The following ST3GAL1 variants were observed in gnomAD, a reference collection of about 807,000 sequenced individuals.
ST3GAL1 encodes the protein CMP-N-acetylneuraminate-beta-galactosamide-alpha-2,3-sialyltransferase 1.
Under a neutral mutation model 34.1 loss-of-function variants are expected in ST3GAL1, and 16 were observed. The observed-to-expected ratio is 0.47, with a 90% CI of 0.32 to 0.71. The LOEUF (loss-of-function observed/expected upper bound fraction) is 0.71. ST3GAL1 is among the 30% of genes least tolerant of loss of function. The pLI is 0.04. For missense variants in ST3GAL1, 353 were observed against 447.4 expected (o/e 0.79, Z 1.90); for synonymous variants, 191 against 184.7 (o/e 1.03, Z -0.28).
At chr8:133,542,803 A>G (rs566937662) in intron 2 of ST3GAL1, among the ~76,000 whole-genome samples, 184 of 143,634 alleles carry the variant, frequency 1.3e-3, no homozygotes, top group African/African-American at 4.7e-3. Context: ...AAAAAAAAAG[A>G]TGAACAGAGG....
At chr8:133,554,751 G>A (rs1398201607) in intron 1 of ST3GAL1, among the ~76,000 whole-genome samples, 3 of 140,810 alleles carry the variant, frequency 2.1e-5, no homozygotes, top group African/African-American at 2.7e-5. Context: ...TTTTTGAGTC[G>A]GAGTCTTGCT....
intron 5 of ST3GAL1, among the ~76,000 whole-genome samples, chr8:133,468,859 G>A (rs1043099883): frequency 6.6e-6 from 1 of 152,178 alleles, no homozygotes; most frequent in Non-Finnish European, 1.5e-5. Context: ...TACACTCTGA[G>A]AGCCCCAGGG....
At chr8:133,481,987 G>A (rs536443685) in intron 3 of ST3GAL1, among the ~76,000 whole-genome samples, 3 of 151,986 alleles carry the variant, frequency 2.0e-5, no homozygotes, top group Non-Finnish European at 2.9e-5. Context: ...TGAACTCACT[G>A]ACTCCCTCTA....
At chr8:133,565,289 G>T (rs2978061) in intron 1 of ST3GAL1, among the ~76,000 whole-genome samples, 1 of 152,064 alleles carries the variant, frequency 6.6e-6, no homozygotes, top group East Asian at 1.9e-4. Context: ...GGTGGGCTCA[G>T]CTCTTGGTGC....
At chr8:133,475,390 G>T (rs1415371119) in intron 5 of ST3GAL1, among the ~76,000 whole-genome samples, 1 of 152,226 alleles carries the variant, frequency 6.6e-6, no homozygotes, top group Non-Finnish European at 1.5e-5. Flanking sequence ...TTTGAGCCAT[G>T]AATTGTGCAG....
chr8:133,567,887 C>T (rs1281719228), intron 1 of ST3GAL1, among the ~76,000 whole-genome samples: 4 of 151,442 alleles, frequency 2.6e-5, no homozygotes, highest in African/African-American at 9.7e-5. Flanking sequence ...TTAATGGACC[C>T]TCAGTGACGG....
At chr8:133,549,778 C>G (rs949898237) in intron 1 of ST3GAL1, among the ~76,000 whole-genome samples, 1 of 152,060 alleles carries the variant, frequency 6.6e-6, no homozygotes, top group Non-Finnish European at 1.5e-5. Context: ...ACCTGACCAA[C>G]GTGGAGAAAC....
Position 133,457,386 on chromosome 8 carries a change from A to T in ST3GAL1, c.*2378T>A, listed in dbSNP as rs992941582. ...ATATAGACTCAGCTTTTAGGAGAAGAGGGAGAGTTGAGGAGATAGCATCGC... is the reference window on the plus strand; with the variant it reads ...ATATAGACTCAGCTTTTAGGAGAAGTGGGAGAGTTGAGGAGATAGCATCGC... On this transcript the variant is annotated 3_prime_UTR_variant, in exon 10 of 10. Transcript: ENST00000522652. 2.6e-5 allele frequency: 4 copies of T among 152,160 alleles called. No individual in the cohort carries two copies. Among genetic ancestry groups the T allele is most frequent in the African/African-American group, 9.7e-5 (4 of 41,436 alleles). 9.4% of individuals were successfully genotyped at this position (152,160 alleles called of 1,614,324 possible).
chr8:133,535,525 A>ATTTTTTT (rs112708766), intron 2 of ST3GAL1, among the ~76,000 whole-genome samples: 16 of 145,012 alleles, frequency 1.1e-4, no homozygotes, highest in South Asian at 8.4e-4. Context: ...GTATTTTTTA[A>ATTTTTTT]TTTTTTTTTT....
intron 1 of ST3GAL1, among the ~76,000 whole-genome samples, chr8:133,557,510 G>A (rs1028427525): frequency 6.6e-6 from 1 of 152,142 alleles, no homozygotes; most frequent in African/African-American, 2.4e-5. Flanking sequence ...CTGATGATGG[G>A]TTGAGCTGTC....
chr8:133,553,117 A>T (rs1170877196), intron 1 of ST3GAL1, among the ~76,000 whole-genome samples: 1 of 152,128 alleles, frequency 6.6e-6, no homozygotes, highest in African/African-American at 2.4e-5. Flanking sequence ...CTTGAGGCAC[A>T]CACTATCCAA....
intron 1 of ST3GAL1, among the ~76,000 whole-genome samples, chr8:133,548,270 A>T (rs1421417985): frequency 6.6e-6 from 1 of 152,076 alleles, no homozygotes; most frequent in East Asian, 1.9e-4. Flanking sequence ...GATCCTTGTA[A>T]ATTGTAACTC....
chr8:133,460,181 T>C (rs1234702968), intron 9 of ST3GAL1, among the ~76,000 whole-genome samples: 1 of 152,190 alleles, frequency 6.6e-6, no homozygotes, highest in Non-Finnish European at 1.5e-5. Flanking sequence ...GATTACTGCA[T>C]CTGGGTGGTC....
chr8:133,530,030 C>T (rs576156667), intron 2 of ST3GAL1, among the ~76,000 whole-genome samples: 3 of 152,176 alleles, frequency 2.0e-5, no homozygotes, highest in East Asian at 3.9e-4. Context: ...CTGTAGGTTT[C>T]GCAAGGAACG....
intron 3 of ST3GAL1, among the ~76,000 whole-genome samples, chr8:133,491,144 C>T (rs930190466): frequency 2.0e-5 from 3 of 152,040 alleles, no homozygotes; most frequent in Admixed American, 6.5e-5. Context: ...CAGAGAAACA[C>T]GATTAACCAG....
Position 133,476,283 on chromosome 8 carries a change from C to A in ST3GAL1, c.-56G>T. On this transcript the variant is annotated 5_prime_UTR_variant, in exon 4 of 10. Coordinates refer to ENST00000522652, the MANE Select transcript of ST3GAL1 (RefSeq NM_173344.3). ...CTTTGCTTGCATATATTTACCTTTT[C>A]AGAAAATAAAGTAGCCTATTCTTCT... 2.5e-6 allele frequency: 1 copy of A among 400,916 alleles called. No homozygotes were observed. Among genetic ancestry groups the A allele is most frequent in the Non-Finnish European group, 4.4e-6 (1 of 224,802 alleles). 24.8% of individuals were successfully genotyped at this position (400,916 alleles called of 1,614,324 possible).
chr8:133,464,007 G>A (rs959262864), intron 7 of ST3GAL1, among the ~76,000 whole-genome samples: 5 of 151,312 alleles, frequency 3.3e-5, no homozygotes, highest in South Asian at 4.2e-4. Flanking sequence ...GTCTCCTGAG[G>A]GCACAGCTCC....
At chr8:133,568,298 G>A (rs188818304) in intron 1 of ST3GAL1, among the ~76,000 whole-genome samples, 8 of 152,270 alleles carry the variant, frequency 5.3e-5, no homozygotes, top group Admixed American at 3.3e-4. Context: ...GTAACTGAGC[G>A]CTGCCACTGG....
At chr8:133,463,167 C>T (rs781151637) in intron 8 of ST3GAL1, among the ~76,000 whole-genome samples, 6 of 152,214 alleles carry the variant, frequency 3.9e-5, no homozygotes, top group Non-Finnish European at 8.8e-5. Context: ...TCAGTAGGTT[C>T]GAGATGGGCC....
Sources: gnomAD v4.1 joint callset for allele counts (sites outside exome capture counted in the v4.1 genomes callset) on GRCh38, gnomAD v4.1.1 for gene constraint, MANE v1.5 for transcripts, NCBI Gene and HGNC (gene_info 2026-07-23, HGNC 2026-07-21) for gene names.